SUGT1: variants seen among roughly 807,000 people sequenced by gnomAD.
The protein encoded by SUGT1 is protein SGT1 homolog.
SUGT1 carries 15 observed loss-of-function variants against 56.1 expected under a neutral mutation model. That is an observed-to-expected ratio of 0.27 (90% confidence interval 0.18 to 0.41). SUGT1 has a LOEUF of 0.41. Among genes scored for constraint, SUGT1 ranks in the 10% least tolerant of loss-of-function variants. SUGT1 has a pLI of 1.00. For synonymous variants in SUGT1, 123 were observed against 128.6 expected, an observed-to-expected ratio of 0.96 and a Z score of 0.30; for missense variants, 347 against 382.2, an observed-to-expected ratio of 0.91 and a Z score of 0.77.
chr13:52,657,674 T>A (rs774745414), intron 3 of SUGT1, 52 bp downstream of exon 3: 1 of 1,501,664 alleles, frequency 6.7e-7, no homozygotes, highest in Non-Finnish European at 9.1e-7. Context: ...TACTTATACA[T>A]TTTACCCATG....
rs1402511671 is a variant in SUGT1, at chr13:52,690,280, TAAAAC to T, written c.*2450_*2454del. 1.3e-5 allele frequency: 2 copies of T among 152,154 alleles called. No homozygotes were observed. The highest frequency in any genetic ancestry group is 2.9e-5 in the Non-Finnish European group (2 of 68,022). 9.4% of individuals were successfully genotyped at this position (152,154 alleles called of 1,614,324 possible). On this transcript the variant is annotated 3_prime_UTR_variant, in exon 13 of 13. Transcript: ENST00000310528. ...GGAAGCTTGTAAGCCTCCAGAAAGT[TAAAAC>T]AAAAAACTTCTTTCTGATTAAGAGC...
rs1439781859 is a variant in SUGT1, at chr13:52,663,119, C to T, written c.399+7C>T. On this transcript the variant is annotated splice_region_variant and intron_variant, in intron 7 of 12. Transcript: ENST00000310528. ...AGGCTCAGAATCTGAGGTGGTAAGT[C>T]CAAAGTTTTCATTCTTCATGTTTTT... The T allele has an allele frequency of 2.5e-6, 4 of 1,607,430 alleles. No individual in the cohort carries two copies. The highest frequency in any genetic ancestry group is 3.4e-6 in the Non-Finnish European group (4 of 1,177,512).
intron 12 of SUGT1, among the ~76,000 whole-genome samples, chr13:52,683,377 T>A (rs1963451582): frequency 6.6e-6 from 1 of 152,160 alleles, no homozygotes; most frequent in African/African-American, 2.4e-5. Context: ...ATTATATGAT[T>A]TTTCTTCCTT....
At chr13:52,680,604 A>G (rs1408241136) in intron 12 of SUGT1, among the ~76,000 whole-genome samples, 1 of 152,256 alleles carries the variant, frequency 6.6e-6, no homozygotes, top group African/African-American at 2.4e-5. Context: ...TCAGGGCAGC[A>G]TAAATACCTA....
rs1963760220 is a variant in SUGT1, at chr13:52,691,039, C to T, written c.*3204C>T. 6.6e-6 allele frequency: 1 copy of T among 151,932 alleles called. No homozygotes were observed. Among genetic ancestry groups the T allele is most frequent in the Non-Finnish European group, 1.5e-5 (1 of 68,088 alleles). 9.4% of individuals were successfully genotyped at this position (151,932 alleles called of 1,614,324 possible). On this transcript the variant is annotated 3_prime_UTR_variant, in exon 13 of 13. Transcript: ENST00000310528. ...GGTGTGAGTCACTGTGCCTGGCCCA[C>T]ATTTTCATTCTTGGCTCACTGTAGC... is the stretch of plus-strand genomic sequence containing the variant.
chr13:52,678,843 AATT>A (rs1460800800), intron 11 of SUGT1, among the ~76,000 whole-genome samples: 2 of 151,082 alleles, frequency 1.3e-5, no homozygotes, highest in Non-Finnish European at 2.9e-5. Flanking sequence ...ACGCCCAGCT[AATT>A]ATTATTATTT....
At chr13:52,659,155 T>C in intron 4 of SUGT1, 24 bp from the exon 5 acceptor site, 1 of 1,520,108 alleles carries the variant, frequency 6.6e-7, no homozygotes, top group Non-Finnish European at 8.8e-7. Context: ...TGTGTCTTAA[T>C]TTGTTTTAAA....
intron 10 of SUGT1, among the ~76,000 whole-genome samples, chr13:52,669,914 G>A (rs1165037417): frequency 1.3e-5 from 2 of 152,096 alleles, no homozygotes; most frequent in Non-Finnish European, 2.9e-5. Flanking sequence ...GGCTTACTTC[G>A]TGGACACTTA....
In SUGT1 at chr13:52,699,729, A is replaced by G. The variant is rs1964032238; in HGVS notation, c.*11894A>G. ...GCAAATTTAGTATAAAAGATGATTA[A>G]TTATCAAGGCTGATGAAATATAGGC... On this transcript the variant is annotated 3_prime_UTR_variant, in exon 13 of 13. Transcript: ENST00000310528. 6.6e-6 allele frequency: 1 copy of G among 152,224 alleles called. No individual in the cohort carries two copies. The highest frequency in any genetic ancestry group is 1.5e-5 in the Non-Finnish European group (1 of 68,036). 9.4% of individuals were successfully genotyped at this position (152,224 alleles called of 1,614,324 possible). A position where few individuals can be genotyped will look rare whatever the true frequency, so the allele number is the denominator to read the frequency against.
Position 52,668,564 on chromosome 13 carries a change from G to A in SUGT1, c.627+1645G>A, listed in dbSNP as rs1962809810. Among the ~76,000 whole-genome samples the A allele has an allele frequency of 2.0e-5, 3 of 152,158 alleles. No individual in the cohort carries two copies. In the South Asian group the frequency reaches 6.2e-4, roughly 32 times the overall value. On this transcript the variant is annotated intron_variant, in intron 10 of 12. Transcript: ENST00000310528. ...AATTATGAGGCAGATTTTTGAAATAGCTGCTTGGGACAATAGAAAGTGAGG... is the reference window on the plus strand; with the variant it reads ...AATTATGAGGCAGATTTTTGAAATAACTGCTTGGGACAATAGAAAGTGAGG...
At chr13:52,666,961 A>T (rs1273171544) in intron 10 of SUGT1, 42 bp downstream of exon 10, 1 of 1,362,540 alleles carries the variant, frequency 7.3e-7, no homozygotes, top group Admixed American at 1.8e-5. Flanking sequence ...TATTTTCAAA[A>T]TTATAGAAAT....
intron 5 of SUGT1, among the ~76,000 whole-genome samples, chr13:52,661,005 A>T (rs1978805): frequency 0.96 from 145,532 of 152,116 alleles, 69,634 homozygotes; most frequent in East Asian, 0.99. Flanking sequence ...AGAGATGGGG[A>T]TTTGCCATGT....
At chr13:52,660,851 G>T (rs747152860) in intron 5 of SUGT1, among the ~76,000 whole-genome samples, 2 of 152,168 alleles carry the variant, frequency 1.3e-5, no homozygotes, top group Non-Finnish European at 2.9e-5. Context: ...CTGTCGCCCA[G>T]GCTGGAGTGC....
In SUGT1 at chr13:52,665,713, G is replaced by A; in HGVS notation, c.499G>A (p.Val167Met). ...GAATGTTCAGAAGAATGATGTAAAT[G>A]TGGAATTTTCAGAAAAAGAGGTCAG... Reference protein sequence around the residue: ...IKNVQKNDVNVEFSEKELSAL... With the variant: ...IKNVQKNDVNMEFSEKELSAL... The change falls in exon 9 of 13, where the codon GTG becomes ATG. Residue 167 changes from valine to methionine, a missense_variant. Transcript: ENST00000310528. 2 of 1,601,546 alleles carry A rather than the reference G, an allele frequency of 1.2e-6. No individual in the cohort carries two copies. The highest frequency in any genetic ancestry group is 1.7e-6 in the Non-Finnish European group (2 of 1,176,526).
In SUGT1 at chr13:52,687,953, C is replaced by T. The variant is rs1963661182; in HGVS notation, c.*118C>T. 5.3e-6 allele frequency: 3 copies of T among 569,082 alleles called. No individual in the cohort carries two copies. In the South Asian group the frequency reaches 1.0e-4, roughly 19 times the overall value. The allele number at this position is 569,082 out of a possible 1,614,324, so 35.3% of individuals were successfully genotyped here. On this transcript the variant is annotated 3_prime_UTR_variant, in exon 13 of 13. Coordinates refer to ENST00000310528, the MANE Select transcript of SUGT1 (RefSeq NM_006704.5). ...TTTTTGAAAGATTATACTTCTTTAC[C>T]TCTTTGTGCTTTAGAAATTATTTTC...
Position 52,676,275 on chromosome 13 carries a change from C to G in SUGT1, c.673C>G (p.Leu225Val). The G allele has an allele frequency of 1.9e-6, 3 of 1,612,602 alleles. No homozygotes were observed. The highest frequency in any genetic ancestry group is 2.5e-6 in the Non-Finnish European group (3 of 1,179,296). The change falls in exon 11 of 13, where the codon CTA becomes GTA. Residue 225 changes from leucine to valine, a missense_variant. Physicochemically the swap from Leu to Val is conservative, Grantham distance 32. Coordinates refer to ENST00000310528, the MANE Select transcript of SUGT1 (RefSeq NM_006704.5). Reference sequence around the variant, plus strand: ...GCCAGAGGCTGTGAGATGGGAAAAGCTAGAGGGGCAAGGAGATGTGCCTAC... The same window carrying G: ...GCCAGAGGCTGTGAGATGGGAAAAGGTAGAGGGGCAAGGAGATGTGCCTAC... ...KKPEAVRWEK[L>V]EGQGDVPTPK...
chr13:52,655,121 G>A (rs1221068206), intron 2 of SUGT1, among the ~76,000 whole-genome samples: 2 of 152,178 alleles, frequency 1.3e-5, no homozygotes, highest in East Asian at 1.9e-4. Context: ...CGAGGCAGGC[G>A]GATCACGAGG....
In SUGT1 at chr13:52,678,796, A is replaced by G. The variant is rs1011548154; in HGVS notation, c.719-1178A>G. On this transcript the variant is annotated intron_variant, in intron 11 of 12. Coordinates refer to ENST00000310528, the MANE Select transcript of SUGT1 (RefSeq NM_006704.5). ...TGGACTCAAGCAGTCCTCTACCCCAACCTTCCGAGTAGCTGGTACTGCAGG... is the reference window on the plus strand; with the variant it reads ...TGGACTCAAGCAGTCCTCTACCCCAGCCTTCCGAGTAGCTGGTACTGCAGG... Among the ~76,000 whole-genome samples, 5 of 151,128 alleles carry G rather than the reference A, an allele frequency of 3.3e-5. No homozygotes were observed. In the East Asian group the frequency reaches 5.8e-4, roughly 18 times the overall value.
At chr13:52,664,147 A>ATGT (rs1293152120) in intron 8 of SUGT1, 90 bp downstream of exon 8, 19 of 1,333,412 alleles carry the variant, frequency 1.4e-5, no homozygotes, top group Non-Finnish European at 1.9e-5. Flanking sequence ...AATTCTTACC[A>ATGT]TGTGATTTTT....
Sources: allele counts gnomAD v4.1 joint callset (sites outside exome capture counted in the v4.1 genomes callset), GRCh38; gene constraint gnomAD v4.1.1; transcripts MANE v1.5; gene names NCBI Gene and HGNC (gene_info 2026-07-23, HGNC 2026-07-21).